Variants in EYA1 observed in about 807,000 individuals in gnomAD.
EYA1 encodes the protein EYA transcriptional coactivator and phosphatase 1.
A neutral mutation model predicts 82.0 loss-of-function variants in EYA1; 16 were observed. The observed-to-expected ratio is 0.20, with a 90% CI of 0.13 to 0.30. The LOEUF is 0.30. Among genes scored for constraint, EYA1 ranks in the 10% least tolerant of loss-of-function variants. The pLI, the probability that EYA1 is intolerant of heterozygous loss-of-function variation, is 1.00. For synonymous variants in EYA1, 261 were observed against 264.4 expected (o/e 0.99, Z 0.12); for missense variants, 633 against 730.7 (o/e 0.87, Z 1.54).
intron 2 of EYA1, among the ~76,000 whole-genome samples, chr8:71,372,687 T>C (rs1478618538): frequency 6.6e-6 from 1 of 152,088 alleles, no homozygotes. Flanking sequence ...TCTGAATATA[T>C]GCAAAGGAGA....
At chr8:71,259,650 T>A (rs1814862069) in intron 11 of EYA1, among the ~76,000 whole-genome samples, 1 of 152,188 alleles carries the variant, frequency 6.6e-6, no homozygotes, top group African/African-American at 2.4e-5. Context: ...TCAGAAATGA[T>A]CTTCTTGACC....
intron 2 of EYA1, among the ~76,000 whole-genome samples, chr8:71,520,671 C>T (rs7000496): frequency 0.054 from 8,282 of 152,186 alleles, 302 homozygotes; most frequent in East Asian, 0.12. Context: ...CACCTTCACA[C>T]CCCCAGGGCC....
At chr8:71,356,760 C>A in intron 1 of EYA1, 1 of 1,189,716 alleles carries the variant, frequency 8.4e-7, no homozygotes, top group East Asian at 3.7e-5. Context: ...GATAGTGATT[C>A]ATCACTGGCC....
chr8:71,200,280 C>G (rs1479679711), intron 17 of EYA1: 1 of 152,112 alleles, frequency 6.6e-6, no homozygotes, highest in African/African-American at 2.4e-5. Flanking sequence ...GTATAATTTG[C>G]AATTATAGTT....
intron 2 of EYA1, among the ~76,000 whole-genome samples, chr8:71,459,128 T>A (rs1808179859): frequency 6.6e-6 from 1 of 152,184 alleles, no homozygotes; most frequent in African/African-American, 2.4e-5. Flanking sequence ...CTTTACACAT[T>A]TCTCTGACAT....
At chr8:71,535,865 A>C (rs1005145501) in intron 1 of EYA1, 1 of 715,994 alleles carries the variant, frequency 1.4e-6, no homozygotes, top group African/African-American at 1.8e-5. Context: ...ACAACAGAGC[A>C]TCACACAGCT....
chr8:71,547,004 A>C (rs1477479833), intron 1 of EYA1, among the ~76,000 whole-genome samples: 1 of 152,162 alleles, frequency 6.6e-6, no homozygotes, highest in Non-Finnish European at 1.5e-5. Context: ...CACAGCGGGC[A>C]TTATTCCCAC....
chr8:71,371,970 T>C (rs1368149488), intron 2 of EYA1, among the ~76,000 whole-genome samples: 1 of 152,048 alleles, frequency 6.6e-6, no homozygotes, highest in East Asian at 1.9e-4. Flanking sequence ...AATGAGAAGT[T>C]ATAGTTCTGG....
chr8:71,482,596 A>G (rs1810248026), intron 2 of EYA1, among the ~76,000 whole-genome samples: 1 of 152,244 alleles, frequency 6.6e-6, no homozygotes, highest in Non-Finnish European at 1.5e-5. Flanking sequence ...AAGTATGTTC[A>G]TGGTAACATA....
intron 2 of EYA1, among the ~76,000 whole-genome samples, chr8:71,535,016 C>T (rs1814606207): frequency 6.6e-6 from 1 of 151,848 alleles, no homozygotes. Context: ...ATGGATGCTG[C>T]CCTAAATGTT....
At chr8:71,425,991 G>A (rs1419569718) in intron 2 of EYA1, among the ~76,000 whole-genome samples, 3 of 152,176 alleles carry the variant, frequency 2.0e-5, no homozygotes, top group African/African-American at 7.2e-5. Flanking sequence ...TCATGAGGCT[G>A]ATAGAACCTT....
intron 11 of EYA1, among the ~76,000 whole-genome samples, chr8:71,268,636 G>A (rs186090347): frequency 1.1e-4 from 17 of 152,166 alleles, no homozygotes; most frequent in African/African-American, 3.1e-4. Flanking sequence ...GTGTTTTACC[G>A]ATATATTATC....
chr8:71,366,739 T>G (rs1458037513), upstream of EYA1, among the ~76,000 whole-genome samples: 3 of 152,142 alleles, frequency 2.0e-5, no homozygotes, highest in Non-Finnish European at 4.4e-5. Flanking sequence ...ATATGAGTGA[T>G]TTTTTCCCTC....
At chr8:71,355,345 T>A (rs1194338723) in intron 2 of EYA1, among the ~76,000 whole-genome samples, 1 of 152,234 alleles carries the variant, frequency 6.6e-6, no homozygotes, top group Non-Finnish European at 1.5e-5. Context: ...GGAATCTGTT[T>A]CATCTAATAA....
At chr8:71,213,965 A>G (rs1808857652) in intron 16 of EYA1, among the ~76,000 whole-genome samples, 1 of 152,188 alleles carries the variant, frequency 6.6e-6, no homozygotes, top group South Asian at 2.1e-4. Flanking sequence ...CCCAGTCCTC[A>G]AGATTATTAC....
intron 2 of EYA1, among the ~76,000 whole-genome samples, chr8:71,486,195 C>A (rs1362329910): frequency 6.6e-6 from 1 of 152,134 alleles, no homozygotes; most frequent in Admixed American, 6.5e-5. Context: ...CCCACTACAA[C>A]TCTCCTGGTG....
At chr8:71,421,722 G>C (rs7837268) in intron 2 of EYA1, among the ~76,000 whole-genome samples, 109,197 of 152,068 alleles carry the variant, frequency 0.72, 40,160 homozygotes, top group African/African-American at 0.83. Flanking sequence ...CAGCTCTTGA[G>C]TTGGCCTCCT....
chr8:71,366,156 T>A, upstream of EYA1, among the ~76,000 whole-genome samples: 1 of 152,052 alleles, frequency 6.6e-6, no homozygotes, highest in East Asian at 1.9e-4. Flanking sequence ...AGATTTTTTT[T>A]TAAATTATTA....
At chr8:71,253,327 A>G (rs995944610) in intron 11 of EYA1, among the ~76,000 whole-genome samples, 1 of 152,132 alleles carries the variant, frequency 6.6e-6, no homozygotes, top group African/African-American at 2.4e-5. Context: ...CACTCCAGGA[A>G]GAAGATAAAG....
Sources: gnomAD v4.1 joint callset for allele counts (sites outside exome capture counted in the v4.1 genomes callset) on GRCh38, gnomAD v4.1.1 for gene constraint, MANE v1.5 for transcripts, NCBI Gene and HGNC (gene_info 2026-07-23, HGNC 2026-07-21) for gene names.